Variants in ARHGAP15 observed in about 807,000 individuals in gnomAD.
The protein encoded by ARHGAP15 is rho GTPase-activating protein 15.
In ARHGAP15, 51 loss-of-function variants were observed where a neutral mutation model predicts 63.7. The ratio of observed to expected loss-of-function variants is 0.80; its 90% CI spans 0.64 to 1.01. The LOEUF (loss-of-function observed/expected upper bound fraction) is 1.01, where lower values mean the gene tolerates loss of function less well. ARHGAP15 is among the 50% of genes least tolerant of loss of function. ARHGAP15 has a pLI of 0.00. For missense variants in ARHGAP15, 560 were observed against 564.6 expected (o/e 0.99, Z 0.08); for synonymous variants, 191 against 193.8 (o/e 0.99, Z 0.12).
chr2:143,622,869 C>A lies in ARHGAP15; in HGVS notation c.1004-1264C>A, dbSNP rs1574722210. Among the ~76,000 whole-genome samples, 4 of 151,576 alleles carry A rather than the reference C, an allele frequency of 2.6e-5. No homozygotes were observed. In the Middle Eastern group the frequency reaches 0.014, roughly 541 times the overall value. On this transcript the variant is annotated intron_variant, in intron 11 of 13. Coordinates refer to ENST00000295095, the MANE Select transcript of ARHGAP15 (RefSeq NM_018460.4). ...ACGTGAACATTATTAGCAAAACAGC[C>A]CATGCAGAGAATCCCTACAGTGACA...
intron 3 of ARHGAP15, 98 bp downstream of exon 3, chr2:143,202,300 T>A (rs920501215): frequency 3.0e-6 from 3 of 1,001,288 alleles, no homozygotes; most frequent in Non-Finnish European, 4.7e-6. Context: ...ATCTCATTTT[T>A]CTGTGGGTCA....
intron 3 of ARHGAP15, among the ~76,000 whole-genome samples, chr2:143,216,055 A>G (rs1242561669): frequency 2.0e-5 from 3 of 152,252 alleles, no homozygotes; most frequent in African/African-American, 7.2e-5. Context: ...GGTAAAATAA[A>G]GGAAGGCATT....
chr2:143,548,955 A>G (rs745529579), intron 10 of ARHGAP15, among the ~76,000 whole-genome samples: 5 of 152,144 alleles, frequency 3.3e-5, no homozygotes, highest in Non-Finnish European at 7.4e-5. Flanking sequence ...TGAAAAATGC[A>G]TAAATGATAG....
At chr2:143,291,312 A>G (rs1334936115) in intron 6 of ARHGAP15, among the ~76,000 whole-genome samples, 3 of 152,106 alleles carry the variant, frequency 2.0e-5, no homozygotes, top group Non-Finnish European at 4.4e-5. Flanking sequence ...ATGATACATT[A>G]GACACTACCT....
At chr2:143,576,852 G>T (rs1298748167) in intron 11 of ARHGAP15, among the ~76,000 whole-genome samples, 1 of 152,054 alleles carries the variant, frequency 6.6e-6, no homozygotes, top group Non-Finnish European at 1.5e-5. Context: ...ATAGATTGAG[G>T]TTATTTCTAT....
chr2:143,196,787 A>T (rs1283848938), intron 2 of ARHGAP15, among the ~76,000 whole-genome samples: 1 of 151,844 alleles, frequency 6.6e-6, no homozygotes, highest in African/African-American at 2.4e-5. Flanking sequence ...TAGAGGGGGG[A>T]CCTATATACT....
chr2:143,599,562 G>T (rs965955425), intron 11 of ARHGAP15, among the ~76,000 whole-genome samples: 1 of 151,872 alleles, frequency 6.6e-6, no homozygotes, highest in South Asian at 2.1e-4. Context: ...AAAATTAATG[G>T]TAACTAAAAC....
At chr2:143,489,654 G>GA (rs1444876586) in intron 9 of ARHGAP15, among the ~76,000 whole-genome samples, 2 of 151,964 alleles carry the variant, frequency 1.3e-5, no homozygotes, top group Non-Finnish European at 2.9e-5. Flanking sequence ...CAAAGACTTA[G>GA]AAAAACAATA....
chr2:143,445,090 G>A (rs1244679136), intron 8 of ARHGAP15, among the ~76,000 whole-genome samples: 8 of 150,692 alleles, frequency 5.3e-5, no homozygotes, highest in Non-Finnish European at 8.9e-5. Flanking sequence ...GAAAATATAG[G>A]ACTGGGATTT....
chr2:143,713,931 A>C (rs1684696661), intron 13 of ARHGAP15, among the ~76,000 whole-genome samples: 2 of 152,174 alleles, frequency 1.3e-5, no homozygotes, highest in Admixed American at 6.5e-5. Flanking sequence ...GAGTGTCTGC[A>C]GCTTTTCTAG....
intron 10 of ARHGAP15, among the ~76,000 whole-genome samples, chr2:143,540,341 G>C (rs111800563): frequency 6.6e-6 from 1 of 152,316 alleles, no homozygotes; most frequent in African/African-American, 2.4e-5. Flanking sequence ...CAATTTGCCA[G>C]TCTGTGCCTT....
chr2:143,262,559 T>TA (rs1553456073), intron 6 of ARHGAP15, among the ~76,000 whole-genome samples: 7 of 132,530 alleles, frequency 5.3e-5, no homozygotes, highest in African/African-American at 1.1e-4. Flanking sequence ...TTTTTTTTTT[T>TA]ACTTTGTCAC....
chr2:143,422,094 C>T (rs1223143159), intron 6 of ARHGAP15, among the ~76,000 whole-genome samples: 2 of 152,114 alleles, frequency 1.3e-5, no homozygotes, highest in Non-Finnish European at 2.9e-5. Flanking sequence ...ATATAAGTCT[C>T]ATCTAATTAA....
At chr2:143,596,781 A>G (rs1412455965) in intron 11 of ARHGAP15, among the ~76,000 whole-genome samples, 1 of 152,110 alleles carries the variant, frequency 6.6e-6, no homozygotes, top group Non-Finnish European at 1.5e-5. Context: ...TACATACTTG[A>G]GAGAGAATGG....
intron 12 of ARHGAP15, among the ~76,000 whole-genome samples, chr2:143,697,769 C>T (rs912339364): frequency 1.3e-5 from 2 of 152,124 alleles, no homozygotes; most frequent in African/African-American, 4.8e-5. Context: ...AAAGTGTATC[C>T]TCAGAGGTTT....
chr2:143,171,027 A>G (rs1419777525), intron 2 of ARHGAP15, among the ~76,000 whole-genome samples: 1 of 152,146 alleles, frequency 6.6e-6, no homozygotes, highest in Non-Finnish European at 1.5e-5. Context: ...TAATTTCTGG[A>G]GAAAACATTC....
chr2:143,576,541 CTG>C (rs1191517023), intron 11 of ARHGAP15, among the ~76,000 whole-genome samples: 1 of 152,108 alleles, frequency 6.6e-6, no homozygotes, highest in Non-Finnish European at 1.5e-5. Context: ...AAAAAATTGA[CTG>C]TTATACAAAT....
At chr2:143,295,188 C>A (rs908603301) in intron 6 of ARHGAP15, among the ~76,000 whole-genome samples, 1 of 151,920 alleles carries the variant, frequency 6.6e-6, no homozygotes, top group Non-Finnish European at 1.5e-5. Context: ...TAGAAAAATG[C>A]CATTTGAAAA....
At chr2:143,279,797 G>A (rs1392341443) in intron 6 of ARHGAP15, among the ~76,000 whole-genome samples, 2 of 152,144 alleles carry the variant, frequency 1.3e-5, no homozygotes, top group Admixed American at 6.5e-5. Flanking sequence ...TTTAGAAATT[G>A]AGTTAGCACA....
Sources: gnomAD v4.1 joint callset for allele counts (sites outside exome capture counted in the v4.1 genomes callset) on GRCh38, gnomAD v4.1.1 for gene constraint, MANE v1.5 for transcripts, NCBI Gene and HGNC (gene_info 2026-07-23, HGNC 2026-07-21) for gene names.